The following TMEM266 variants were observed in gnomAD, a reference collection of about 807,000 sequenced individuals.
The protein encoded by TMEM266 is transmembrane protein 266.
In TMEM266, 33 loss-of-function variants were observed where a neutral mutation model predicts 50.5. The observed-to-expected ratio is 0.65, with a 90% CI of 0.50 to 0.87. The LOEUF is 0.87. TMEM266 is among the 40% of genes least tolerant of loss of function. The pLI is 0.00. For synonymous variants in TMEM266, 310 were observed against 292.3 expected, an observed-to-expected ratio of 1.06 and a Z score of -0.62; for missense variants, 655 against 695.1, an observed-to-expected ratio of 0.94 and a Z score of 0.65.
intron 6 of TMEM266, 123 bp downstream of exon 6, chr15:76,169,995 T>G: frequency 1.0e-6 from 1 of 964,408 alleles, no homozygotes; most frequent in Non-Finnish European, 1.6e-6. Flanking sequence ...CCACTTGACC[T>G]CTGTGGCTGT....
intron 1 of TMEM266, among the ~76,000 whole-genome samples, chr15:76,064,086 T>C (rs935615086): frequency 6.6e-6 from 1 of 152,164 alleles, no homozygotes; most frequent in African/African-American, 2.4e-5. Flanking sequence ...CATAATGTTT[T>C]TGAAGAACTT....
At chr15:76,081,039 C>G (rs73451179) in intron 1 of TMEM266, among the ~76,000 whole-genome samples, 1 of 152,162 alleles carries the variant, frequency 6.6e-6, no homozygotes, top group Non-Finnish European at 1.5e-5. Context: ...CATGAGCCTC[C>G]GTACCCAGCA....
At chr15:76,192,673 G>A (rs936559197) in intron 9 of TMEM266, among the ~76,000 whole-genome samples, 1 of 152,228 alleles carries the variant, frequency 6.6e-6, no homozygotes, top group Non-Finnish European at 1.5e-5. Context: ...TCACGAGACG[G>A]TGATGTTGGT....
intron 8 of TMEM266, among the ~76,000 whole-genome samples, chr15:76,182,514 G>A (rs1284614419): frequency 6.6e-6 from 1 of 151,846 alleles, no homozygotes; most frequent in Admixed American, 6.6e-5. Flanking sequence ...TGTGGTGGCG[G>A]GTGCCTGTGG....
At chr15:76,114,442 C>T (rs2037217357) in intron 1 of TMEM266, among the ~76,000 whole-genome samples, 1 of 152,112 alleles carries the variant, frequency 6.6e-6, no homozygotes, top group African/African-American at 2.4e-5. Flanking sequence ...ATCACTTGAG[C>T]TGGGAGGTGG....
chr15:76,160,329 G>A lies in TMEM266; in HGVS notation c.456+161G>A, dbSNP rs1277650475. On this transcript the variant is annotated intron_variant, in intron 5 of 10. Coordinates refer to ENST00000388942, the MANE Select transcript of TMEM266 (RefSeq NM_152335.3). The surrounding 1 kb of genome is among the most constrained non-coding windows in gnomAD (Gnocchi z 5.7). Reference sequence around the variant, plus strand: ...ATATAGATAGATGATCTCTGCGGGGGGAAGTGGTACAGGGAGCCCAACCCA... The same window carrying A: ...ATATAGATAGATGATCTCTGCGGGGAGAAGTGGTACAGGGAGCCCAACCCA... 2.0e-5 allele frequency among the ~76,000 whole-genome samples: 3 copies of A among 152,224 alleles called. No individual in the cohort carries two copies. Among genetic ancestry groups the A allele is most frequent in the Non-Finnish European group, 4.4e-5 (3 of 68,038 alleles).
At chr15:76,175,786 C>A in intron 8 of TMEM266, 112 bp downstream of exon 8, 1 of 818,490 alleles carries the variant, frequency 1.2e-6, no homozygotes, top group Non-Finnish European at 2.0e-6. Context: ...GGAGTTCCTC[C>A]AGCCCCTTGT....
At chr15:76,185,033 G>A (rs559032838) in intron 8 of TMEM266, among the ~76,000 whole-genome samples, 111 of 152,306 alleles carry the variant, frequency 7.3e-4, no homozygotes, top group African/African-American at 2.6e-3. Context: ...TGAGCCCTGG[G>A]GAGCCCCGTC....
intron 1 of TMEM266, among the ~76,000 whole-genome samples, chr15:76,061,034 A>C (rs989902801): frequency 2.0e-5 from 3 of 152,286 alleles, no homozygotes; most frequent in South Asian, 4.1e-4. Context: ...GCATGTGTTT[A>C]TTTCCCTGGC....
intron 7 of TMEM266, among the ~76,000 whole-genome samples, chr15:76,171,570 G>A (rs2038189292): frequency 3.9e-5 from 6 of 152,184 alleles, no homozygotes; most frequent in Admixed American, 3.9e-4. Flanking sequence ...CTCCCTGCAG[G>A]CTTTGTCTCA....
intron 3 of TMEM266, among the ~76,000 whole-genome samples, chr15:76,148,455 C>T (rs1343212432): frequency 2.0e-5 from 3 of 152,172 alleles, no homozygotes; most frequent in Non-Finnish European, 2.9e-5. Flanking sequence ...GACTTGGGGC[C>T]GGTTTCCAGA....
chr15:76,069,967 A>G (rs1465784944), intron 1 of TMEM266, among the ~76,000 whole-genome samples: 1 of 152,208 alleles, frequency 6.6e-6, no homozygotes, highest in Non-Finnish European at 1.5e-5. Context: ...TATTGCATTT[A>G]TTGAATATTT....
intron 9 of TMEM266, among the ~76,000 whole-genome samples, chr15:76,200,006 T>C (rs965420914): frequency 6.6e-6 from 1 of 152,130 alleles, no homozygotes; most frequent in Non-Finnish European, 1.5e-5. Context: ...TCACACATAG[T>C]AGGCCTTCCT....
chr15:76,084,189 C>T (rs1317245135), intron 1 of TMEM266, among the ~76,000 whole-genome samples: 2 of 152,074 alleles, frequency 1.3e-5, no homozygotes, highest in Non-Finnish European at 2.9e-5. Flanking sequence ...TGATACATGC[C>T]TATAGTCCCA....
At chr15:76,067,778 TG>T (rs1358038043) in intron 1 of TMEM266, among the ~76,000 whole-genome samples, 1 of 151,628 alleles carries the variant, frequency 6.6e-6, no homozygotes, top group Non-Finnish European at 1.5e-5. Context: ...TATTTTTTTG[TG>T]GGGGGCATTG....
chr15:76,157,823 C>T (rs2037949675), intron 4 of TMEM266, among the ~76,000 whole-genome samples: 1 of 151,928 alleles, frequency 6.6e-6, no homozygotes, highest in African/African-American at 2.4e-5. Context: ...CCTGTCTCTA[C>T]AAAAAAATTT....
In TMEM266 at chr15:76,121,923, A is replaced by G. The variant is rs539702074; in HGVS notation, c.-96-12245A>G. On this transcript the variant is annotated intron_variant, in intron 1 of 10. Transcript: ENST00000388942. ...CCATGAGTTTTTGAGTGCTGTGATC[A>G]TGTCTCATTTATCTTGATAACCTCA... 6.6e-5 allele frequency among the ~76,000 whole-genome samples: 10 copies of G among 152,346 alleles called. No homozygotes were observed. In the South Asian group the frequency reaches 2.1e-3, roughly 32 times the overall value.
rs1407709741 is a variant in TMEM266 at position 76,169,867 on chromosome 15, AT to A, written c.509del (p.Ile170LysfsTer8). On this transcript the variant is annotated frameshift_variant, in exon 6 of 11. Coordinates refer to ENST00000388942, the MANE Select transcript of TMEM266 (RefSeq NM_152335.3). LOFTEE classifies it high-confidence loss of function. Reference sequence around the variant, plus strand: ...GATCTGGGATTACATCGAAAACAAAATAGAGGTAAAGACCAATGTCCACCCC... The same window carrying A: ...GATCTGGGATTACATCGAAAACAAAAAGAGGTAAAGACCAATGTCCACCCC... ...NKIEVFDGAV[I>X]ILSLAPMVAS... is the part of the protein sequence containing the mutation. The A allele has an allele frequency of 6.2e-7, 1 of 1,613,530 alleles. No individual in the cohort carries two copies. The highest frequency in any genetic ancestry group is 1.1e-5 in the South Asian group (1 of 91,066).
chr15:76,186,869 T>C (rs544483345), intron 8 of TMEM266, among the ~76,000 whole-genome samples: 1 of 152,326 alleles, frequency 6.6e-6, no homozygotes, highest in Admixed American at 6.5e-5. Context: ...CATCTTACTG[T>C]GGCTCCAGGC....
Sources: allele counts gnomAD v4.1 joint callset (sites outside exome capture counted in the v4.1 genomes callset), GRCh38; gene constraint gnomAD v4.1.1; non-coding constraint Gnocchi (gnomAD v3.1); transcripts MANE v1.5; gene names NCBI Gene and HGNC (gene_info 2026-07-23, HGNC 2026-07-21).